CEMIP2: variants seen among roughly 807,000 people sequenced by gnomAD.
CEMIP2 encodes cell migration inducing hyaluronidase 2.
CEMIP2 carries 79 observed loss-of-function variants against 146.9 expected under a neutral mutation model. That is an observed-to-expected ratio of 0.54 (90% CI 0.45 to 0.65). CEMIP2 has a LOEUF of 0.65. Ranked by LOEUF, CEMIP2 falls within the 30% of genes least tolerant of loss-of-function variation. The pLI is 0.00. For missense variants in CEMIP2, 1,596 were observed against 1,696.2 expected, an observed-to-expected ratio of 0.94 and a Z score of 1.04; for synonymous variants, 601 against 606.3, an observed-to-expected ratio of 0.99 and a Z score of 0.13.
At chr9:71,757,977 T>G (rs1009383736) in intron 1 of CEMIP2, among the ~76,000 whole-genome samples, 1 of 152,216 alleles carries the variant, frequency 6.6e-6, no homozygotes, top group Non-Finnish European at 1.5e-5. Context: ...ATTATGTACT[T>G]AAATAACTAT....
intron 10 of CEMIP2, among the ~76,000 whole-genome samples, chr9:71,727,103 A>C (rs1345418630): frequency 1.3e-5 from 2 of 152,244 alleles, no homozygotes; most frequent in African/African-American, 2.4e-5. Flanking sequence ...TAGAGAGAAA[A>C]TAAACAGCTC....
At chr9:71,715,293 G>A (rs777961724) in intron 14 of CEMIP2, among the ~76,000 whole-genome samples, 1 of 131,866 alleles carries the variant, frequency 7.6e-6, no homozygotes. Context: ...CCCAATGCTC[G>A]AGTACAATGG....
In CEMIP2 at chr9:71,717,974, T is replaced by C; in HGVS notation, c.2373A>G (p.Gly791=). ...KNNDNGAWVR[G]GDIIVQNSAF... ...CTGAATTTTGAACGATAATATCTCC[T>C]CCTCTGACCCAAGCTCCATTATCAT... Residue 791 remains glycine (G), a synonymous_variant, in exon 13 of 24, where the codon GGA becomes GGG. Coordinates refer to ENST00000377044, the MANE Select transcript of CEMIP2 (RefSeq NM_013390.3). 1.9e-6 allele frequency: 3 copies of C among 1,610,268 alleles called. No individual in the cohort carries two copies. Among genetic ancestry groups the C allele is most frequent in the Admixed American group, 1.7e-5 (1 of 59,710 alleles).
rs1265893299 is a variant in CEMIP2, at chr9:71,700,700, G to A, written c.3319C>T (p.Leu1107=). The A allele has an allele frequency of 1.2e-6, 2 of 1,612,390 alleles. No individual in the cohort carries two copies. Among genetic ancestry groups the A allele is most frequent in the Non-Finnish European group, 1.7e-6 (2 of 1,179,574 alleles). The change falls in exon 19 of 24, where the codon CTG becomes TTG. Residue 1107 remains leucine (L), a synonymous_variant. Coordinates refer to ENST00000377044, the MANE Select transcript of CEMIP2 (RefSeq NM_013390.3). ...GATTGCTTTCTTTGCAGTTCTTCCA[G>A]TGAATGCACAGGCTCATATTCTTCG... is the stretch of plus-strand genomic sequence containing the variant. ...KIEEYEPVHS[L]EELQRKQSER... is the part of the protein sequence containing the mutation.
At chr9:71,731,702 A>C (rs1198917129) in intron 7 of CEMIP2, among the ~76,000 whole-genome samples, 2 of 149,734 alleles carry the variant, frequency 1.3e-5, no homozygotes, top group Non-Finnish European at 3.0e-5. Context: ...ACTGTACTCC[A>C]TCCTGGGTGA....
intron 12 of CEMIP2, among the ~76,000 whole-genome samples, chr9:71,718,634 TG>T (rs201019524): frequency 0.057 from 8,662 of 152,198 alleles, 268 homozygotes; most frequent in South Asian, 0.069. Context: ...TGGAGTGCAG[TG>T]GCGCAATCTT....
chr9:71,723,136 G>GAAAAAAAAAAA lies in CEMIP2; in HGVS notation c.2179-632_2179-622dup, dbSNP rs33948828. Among the ~76,000 whole-genome samples, 16 of 104,190 alleles carry GAAAAAAAAAAA rather than the reference G, an allele frequency of 1.5e-4. 1 individual carries two copies. Among genetic ancestry groups the GAAAAAAAAAAA allele is most frequent in the East Asian group, 6.2e-4 (2 of 3,214 alleles). 68.4% of individuals were successfully genotyped at this position (104,190 alleles called of 152,430 possible). A position where few individuals can be genotyped will look rare whatever the true frequency, so the allele number is the denominator to read the frequency against. On this transcript the variant is annotated intron_variant, in intron 11 of 23. Coordinates refer to ENST00000377044, the MANE Select transcript of CEMIP2 (RefSeq NM_013390.3). ...TGGCAGAGAGCATGGAACAGCCAAA[G>GAAAAAAAAAAA]AAAAAAAAAAAAAAAACAAAACCAT...
upstream of CEMIP2, among the ~76,000 whole-genome samples, chr9:71,769,419 C>A (rs755511833): frequency 2.0e-5 from 3 of 152,256 alleles, no homozygotes; most frequent in Non-Finnish European, 4.4e-5. Context: ...GAAGAACCAG[C>A]CTGCTCTGGG....
At chr9:71,719,407 G>C (rs1433110768) in intron 12 of CEMIP2, among the ~76,000 whole-genome samples, 1 of 152,172 alleles carries the variant, frequency 6.6e-6, no homozygotes, top group Non-Finnish European at 1.5e-5. Context: ...AGGAGGGCAA[G>C]GGCTAGGTAA....
Position 71,701,385 on chromosome 9 carries a change from C to T in CEMIP2, c.3195-561G>A, listed in dbSNP as rs192778932. On this transcript the variant is annotated intron_variant, in intron 18 of 23. Coordinates refer to ENST00000377044, the MANE Select transcript of CEMIP2 (RefSeq NM_013390.3). ...CCTCCCAGAGTGCTGGGATTACAGG[C>T]GTGAGCCACCGTGTCCAGCCCTAAA... is the stretch of plus-strand genomic sequence containing the variant. Among the ~76,000 whole-genome samples, 187 of 152,206 alleles carry T rather than the reference C, an allele frequency of 1.2e-3. 1 individual carries two copies. The highest frequency in any genetic ancestry group is 8.1e-3 in the East Asian group (42 of 5,178).
intron 10 of CEMIP2, among the ~76,000 whole-genome samples, chr9:71,726,984 T>TA (rs1823403635): frequency 6.6e-6 from 1 of 152,020 alleles, no homozygotes; most frequent in African/African-American, 2.4e-5. Context: ...TCAACACAGG[T>TA]AAAAGGAGCT....
intron 21 of CEMIP2, among the ~76,000 whole-genome samples, chr9:71,691,141 T>C (rs1296889423): frequency 2.0e-5 from 3 of 152,206 alleles, no homozygotes; most frequent in Non-Finnish European, 4.4e-5. Context: ...AAAATGGCAC[T>C]TTAAGGCCAG....
chr9:71,739,152 A>G (rs62549272), intron 5 of CEMIP2, among the ~76,000 whole-genome samples: 10,727 of 152,136 alleles, frequency 0.071, 538 homozygotes, highest in South Asian at 0.19. Flanking sequence ...CCATCTTTCA[A>G]AAATGAGTAT....
At chr9:71,697,461 T>G (rs1001544456) in intron 20 of CEMIP2, among the ~76,000 whole-genome samples, 1 of 152,214 alleles carries the variant, frequency 6.6e-6, no homozygotes, top group Non-Finnish European at 1.5e-5. Flanking sequence ...TCGGTACTTT[T>G]TTTTTAAATA....
intron 1 of CEMIP2, among the ~76,000 whole-genome samples, chr9:71,765,055 G>C (rs926751149): frequency 2.0e-5 from 3 of 151,980 alleles, no homozygotes; most frequent in Non-Finnish European, 4.4e-5. Flanking sequence ...TTGATGTACT[G>C]TACTAGACAG....
intron 1 of CEMIP2, among the ~76,000 whole-genome samples, chr9:71,753,884 G>C (rs1345974414): frequency 6.6e-6 from 1 of 152,172 alleles, no homozygotes; most frequent in Non-Finnish European, 1.5e-5. Context: ...ATCGTTAGAG[G>C]ATTGTGGTAG....
chr9:71,694,372 C>G (rs1012796728), intron 21 of CEMIP2, 137 bp downstream of exon 21: 1 of 615,912 alleles, frequency 1.6e-6, no homozygotes, highest in Non-Finnish European at 3.0e-6. Flanking sequence ...ATCTGCCCAC[C>G]TTGGCCTCCC....
chr9:71,756,870 G>T (rs1378428456), intron 1 of CEMIP2, among the ~76,000 whole-genome samples: 1 of 152,162 alleles, frequency 6.6e-6, no homozygotes, highest in East Asian at 1.9e-4. Flanking sequence ...AATGCAGTAG[G>T]CACACAGAAA....
Position 71,712,084 on chromosome 9 carries a change from T to G in CEMIP2, c.2768A>C (p.His923Pro). 6.2e-7 allele frequency: 1 copy of G among 1,613,978 alleles called. No homozygotes were observed. The change falls in exon 16 of 24, where the codon CAT becomes CCT. Residue 923 changes from histidine (H) to proline (P), a missense_variant and splice_region_variant. Physicochemically the swap from His to Pro is moderately conservative, Grantham distance 77. Transcript: ENST00000377044. ...GTAAGAACTACAGAACATACTTACA[T>G]GTGGACCAAACTTCACGAGGGAGAT... The part of the protein sequence containing the change: ...NNISLVKFGP[H>P]VSLNVFFGKP...
Sources: allele counts gnomAD v4.1 joint callset (sites outside exome capture counted in the v4.1 genomes callset), GRCh38; gene constraint gnomAD v4.1.1; transcripts MANE v1.5; gene names NCBI Gene and HGNC (gene_info 2026-07-23, HGNC 2026-07-21).